SPTA1: variants seen among roughly 807,000 people sequenced by gnomAD.
SPTA1 encodes spectrin alpha chain, erythrocytic 1.
In SPTA1, 177 loss-of-function variants were observed where a neutral mutation model predicts 324.7. That is an observed-to-expected ratio of 0.55 (90% CI 0.48 to 0.62). The LOEUF (loss-of-function observed/expected upper bound fraction) is 0.62. Among genes scored for constraint, SPTA1 ranks in the 20% least tolerant of loss-of-function variants. The pLI, the probability that SPTA1 is intolerant of heterozygous loss-of-function variation, is 0.00. For missense variants in SPTA1, 3,162 were observed against 2,883.6 expected, an observed-to-expected ratio of 1.10 and a Z score of -2.21; for synonymous variants, 1,195 against 1,041.3, an observed-to-expected ratio of 1.15 and a Z score of -2.84.
At chr1:158,619,176 A>G in intron 45 of SPTA1, 46 bp downstream of exon 45, 1 of 1,547,950 alleles carries the variant, frequency 6.5e-7, no homozygotes, top group Non-Finnish European at 8.9e-7. Flanking sequence ...CCTATGGCAA[A>G]TGGTGGTGGC....
intron 39 of SPTA1, among the ~76,000 whole-genome samples, chr1:158,633,831 TG>T (rs1650864125): frequency 6.6e-6 from 1 of 152,104 alleles, no homozygotes; most frequent in African/African-American, 2.4e-5. Flanking sequence ...TTGAATTATA[TG>T]TTGTATAGGT....
chr1:158,618,199 C>T (rs550688891), intron 45 of SPTA1, 143 bp from the exon 46 acceptor site: 1 of 857,716 alleles, frequency 1.2e-6, no homozygotes, highest in Non-Finnish European at 1.9e-6. Context: ...ATCTGTCCAC[C>T]CACTGGTTCC....
intron 10 of SPTA1, among the ~76,000 whole-genome samples, chr1:158,672,601 G>A: frequency 6.6e-6 from 1 of 152,150 alleles, no homozygotes; most frequent in Non-Finnish European, 1.5e-5. Context: ...AAAAAGTGTA[G>A]ACAGTCAATG....
At chr1:158,612,027 A>G (rs146093232) in intron 51 of SPTA1, 1 of 155,130 alleles carries the variant, frequency 6.4e-6, no homozygotes, top group East Asian at 1.9e-4. Context: ...GTACAGTTTG[A>G]TGAGTTTAGA....
chr1:158,615,001 G>T, intron 48 of SPTA1: 1 of 561,232 alleles, frequency 1.8e-6, no homozygotes, highest in African/African-American at 1.9e-5. Context: ...AGTGGGTGAT[G>T]AGTAGGCTCA....
intron 33 of SPTA1, among the ~76,000 whole-genome samples, chr1:158,640,911 C>T (rs1651508766): frequency 1.3e-5 from 2 of 152,156 alleles, no homozygotes; most frequent in South Asian, 2.1e-4. Flanking sequence ...TCAAACTATA[C>T]TACAAGGCTA....
intron 49 of SPTA1, 55 bp from the exon 50 acceptor site, chr1:158,613,922 G>T: frequency 6.3e-7 from 1 of 1,574,916 alleles, no homozygotes; most frequent in Non-Finnish European, 8.7e-7. Flanking sequence ...AAAACCAAGT[G>T]AGAACAGAAA....
At chr1:158,671,482 C>G (rs1654022257) in intron 11 of SPTA1, 29 bp from the exon 12 acceptor site, 5 of 1,543,550 alleles carry the variant, frequency 3.2e-6, no homozygotes, top group Non-Finnish European at 2.7e-6. Context: ...CACACCTAAG[C>G]TGTGTCTGAC....
intron 15 of SPTA1, 93 bp from the exon 16 acceptor site, chr1:158,666,590 G>T: frequency 1.8e-6 from 2 of 1,120,738 alleles, no homozygotes; most frequent in Non-Finnish European, 2.6e-6. Flanking sequence ...GATCAATATA[G>T]TATTTTAATA....
chr1:158,630,243 A>G (rs1650581777), intron 39 of SPTA1, among the ~76,000 whole-genome samples: 1 of 152,098 alleles, frequency 6.6e-6, no homozygotes, highest in Non-Finnish European at 1.5e-5. Flanking sequence ...TCCTGATTTT[A>G]AAATACAGTA....
intron 41 of SPTA1, 101 bp downstream of exon 41, chr1:158,626,738 C>A: frequency 6.7e-7 from 1 of 1,486,066 alleles, no homozygotes; most frequent in Non-Finnish European, 9.4e-7. Flanking sequence ...GATGGAAACA[C>A]CTCCTTTCAT....
Position 158,683,388 on chromosome 1 carries a change from C to T in SPTA1, c.373G>A (p.Ala125Thr), listed in dbSNP as rs201771255. 1.5e-3 allele frequency: 2,383 copies of T among 1,613,308 alleles called. 5 individuals are homozygous for T. The highest frequency in any genetic ancestry group is 1.9e-3 in the Non-Finnish European group (2,243 of 1,179,460). ...ACATATACCTTCGTTTCTTCGTGGGCAGAATGACCCATGGTAAATCGTTCT... is the reference window on the plus strand; with the variant it reads ...ACATATACCTTCGTTTCTTCGTGGGTAGAATGACCCATGGTAAATCGTTCT... ...REERFTMGHS[A>T]HEETKAHIEE... The change falls in exon 3 of 52, where the codon GCC becomes ACC. Residue 125 changes from alanine (A) to threonine (T), a missense_variant. Transcript: ENST00000643759.
chr1:158,635,389 G>A (rs896162343), intron 38 of SPTA1, among the ~76,000 whole-genome samples: 11 of 151,426 alleles, frequency 7.3e-5, no homozygotes, highest in Non-Finnish European at 1.0e-4. Flanking sequence ...AGTTTCCTGA[G>A]GCCTCCCAGT....
At chr1:158,627,385 A>G (rs1373164249) in intron 40 of SPTA1, among the ~76,000 whole-genome samples, 2 of 152,224 alleles carry the variant, frequency 1.3e-5, no homozygotes, top group African/African-American at 2.4e-5. Flanking sequence ...CAAGATGTCA[A>G]CAAAGGATTT....
At chr1:158,670,135 C>T (rs531731224) in intron 12 of SPTA1, among the ~76,000 whole-genome samples, 14 of 152,230 alleles carry the variant, frequency 9.2e-5, no homozygotes, top group South Asian at 6.2e-4. Flanking sequence ...TCTATCTATC[C>T]GTGTATTCAT....
rs1224157153 is a variant in SPTA1, at chr1:158,678,484, A to T, written c.729T>A (p.Asn243Lys). 2 of 1,613,632 alleles carry T rather than the reference A, an allele frequency of 1.2e-6. No homozygotes were observed. Among genetic ancestry groups the T allele is most frequent in the African/African-American group, 2.7e-5 (2 of 74,888 alleles). ...PLIQSKQNEV[N>K]AAWERLRGLA... is the part of the protein sequence containing the mutation. ...AACCACGAAGGCGCTCCCAGGCAGCATTCACCTCATTTTGCTTAGACTGAA... is the reference window on the plus strand; with the variant it reads ...AACCACGAAGGCGCTCCCAGGCAGCTTTCACCTCATTTTGCTTAGACTGAA... Residue 243 changes from asparagine (N) to lysine (K), a missense_variant, in exon 6 of 52, where the codon AAT becomes AAA. Transcript: ENST00000643759.
In SPTA1 at chr1:158,611,166, CGA is replaced by C; in HGVS notation, c.*96_*97del. 1 of 1,387,716 alleles carries C rather than the reference CGA, an allele frequency of 7.2e-7. No homozygotes were observed. The highest frequency in any genetic ancestry group is 1.0e-6 in the Non-Finnish European group (1 of 989,754). 86.0% of individuals were successfully genotyped at this position (1,387,716 alleles called of 1,614,324 possible). ...ACACACACACACACACACACACACA[CGA>C]GGCCATCTTTATCTTCCACATTTGC... On this transcript the variant is annotated 3_prime_UTR_variant, in exon 52 of 52. Transcript: ENST00000643759.
chr1:158,642,419 C>T lies in SPTA1; in HGVS notation c.4729G>A (p.Ala1577Thr), dbSNP rs562962685. The T allele has an allele frequency of 6.2e-7, 1 of 1,613,368 alleles. No homozygotes were observed. Among genetic ancestry groups the T allele is most frequent in the South Asian group, 1.1e-5 (1 of 91,044 alleles). Reference protein sequence around the residue: ...ECSACDGNEEAMKEQLEQLKE... With the variant: ...ECSACDGNEETMKEQLEQLKE... ...CTCATCCTGAGCTTTACCTTCATGGCCTCTTCATTGCCATCACAAGCGCTA... is the reference window on the plus strand; with the variant it reads ...CTCATCCTGAGCTTTACCTTCATGGTCTCTTCATTGCCATCACAAGCGCTA... Residue 1577 changes from alanine to threonine, a missense_variant, in exon 33 of 52, where the codon GCC becomes ACC. By Grantham distance (58) the Ala-to-Thr change is moderately conservative. Transcript: ENST00000643759.
At chr1:158,658,053 G>A (rs1483079130) in intron 18 of SPTA1, among the ~76,000 whole-genome samples, 1 of 152,156 alleles carries the variant, frequency 6.6e-6, no homozygotes, top group Non-Finnish European at 1.5e-5. Context: ...TTATTACTAT[G>A]AGAGTTGCTC....
Sources: allele counts gnomAD v4.1 joint callset (sites outside exome capture counted in the v4.1 genomes callset), GRCh38; gene constraint gnomAD v4.1.1; transcripts MANE v1.5; gene names NCBI Gene and HGNC (gene_info 2026-07-23, HGNC 2026-07-21).